Variants in TMEM245 observed in about 807,000 individuals in gnomAD.
TMEM245 encodes transmembrane protein 245.
TMEM245 carries 69 observed loss-of-function variants against 101.2 expected under a neutral mutation model. That is an observed-to-expected ratio of 0.68 (90% CI 0.56 to 0.83). The LOEUF is 0.83. TMEM245 is among the 40% of genes least tolerant of loss of function. TMEM245 has a pLI of 0.00. For missense variants in TMEM245, 1,075 were observed against 1,092.8 expected, an observed-to-expected ratio of 0.98 and a Z score of 0.23; for synonymous variants, 537 against 449.8, an observed-to-expected ratio of 1.19 and a Z score of -2.45.
At chr9:109,100,485 A>G (rs1286788867) in intron 3 of TMEM245, among the ~76,000 whole-genome samples, 2 of 151,948 alleles carry the variant, frequency 1.3e-5, no homozygotes, top group Non-Finnish European at 2.9e-5. Context: ...TACCACACCC[A>G]GCTAATTTTT....
At chr9:109,110,554 T>C (rs1158867310) in intron 1 of TMEM245, among the ~76,000 whole-genome samples, 1 of 121,888 alleles carries the variant, frequency 8.2e-6, no homozygotes, top group Non-Finnish European at 1.8e-5. Flanking sequence ...TTTAGACAAC[T>C]ACAACTTGTT....
At chr9:109,107,979 C>T (rs892259093) in intron 2 of TMEM245, among the ~76,000 whole-genome samples, 12 of 152,248 alleles carry the variant, frequency 7.9e-5, no homozygotes, top group African/African-American at 2.9e-4. Flanking sequence ...CACTCTTTCA[C>T]AGGACAGTCC....
chr9:109,058,445 A>G (rs1828912153), intron 11 of TMEM245, among the ~76,000 whole-genome samples: 1 of 152,142 alleles, frequency 6.6e-6, no homozygotes, highest in Admixed American at 6.5e-5. Context: ...TTTGAAAGAG[A>G]TAAGGGCCAG....
intron 7 of TMEM245, among the ~76,000 whole-genome samples, chr9:109,084,286 C>T (rs1829769855): frequency 6.6e-6 from 1 of 152,014 alleles, no homozygotes; most frequent in African/African-American, 2.4e-5. Context: ...TAGTTCTCAA[C>T]TTATGTATGT....
chr9:109,043,967 T>C (rs914788961), intron 14 of TMEM245, among the ~76,000 whole-genome samples: 2 of 152,206 alleles, frequency 1.3e-5, no homozygotes, highest in Non-Finnish European at 2.9e-5. Context: ...CTACTGTATA[T>C]TTATACCGTA....
At chr9:109,043,098 G>A (rs1052510082) in intron 14 of TMEM245, among the ~76,000 whole-genome samples, 2 of 152,030 alleles carry the variant, frequency 1.3e-5, no homozygotes, top group Non-Finnish European at 2.9e-5. Context: ...ATTATCACTC[G>A]TCTCTAGGGT....
At chr9:109,112,235 G>C (rs1036684052) in intron 1 of TMEM245, among the ~76,000 whole-genome samples, 1 of 152,084 alleles carries the variant, frequency 6.6e-6, no homozygotes, top group African/African-American at 2.4e-5. Flanking sequence ...GATTTATACT[G>C]TAGCAGTATT....
intron 9 of TMEM245, among the ~76,000 whole-genome samples, chr9:109,067,675 C>T (rs1036115845): frequency 6.6e-6 from 1 of 152,072 alleles, no homozygotes; most frequent in Non-Finnish European, 1.5e-5. Flanking sequence ...AATGAGCTCC[C>T]GACTAACAAC....
Position 109,119,342 on chromosome 9 carries a change from C to G in TMEM245, c.572G>C (p.Ser191Thr). ...LICRGLDYFS[S>T]LWIWTLVVGY... is the part of the protein sequence containing the mutation. ...GGACTGCCGCTCACTCACCCACAGG[C>G]TGCTGAAGTAGTCCAGCCCGCGGCA... The change falls in exon 1 of 18, where the codon AGC becomes ACC. Residue 191 changes from serine (S) to threonine (T), a missense_variant. By Grantham distance (58) the Ser-to-Thr change is moderately conservative. This residue lies in a region of TMEM245 where 808 missense variants were observed against 741.5 expected (regional missense o/e 1.09). Coordinates refer to ENST00000374586, the MANE Select transcript of TMEM245 (RefSeq NM_032012.4). 1 of 1,530,982 alleles carries G rather than the reference C, an allele frequency of 6.5e-7. No homozygotes were observed. The highest frequency in any genetic ancestry group is 1.2e-5 in the South Asian group (1 of 83,630). 94.8% of individuals were successfully genotyped at this position (1,530,982 alleles called of 1,614,324 possible).
chr9:109,059,449 A>G (rs1158007670), intron 11 of TMEM245, among the ~76,000 whole-genome samples: 1 of 152,158 alleles, frequency 6.6e-6, no homozygotes, highest in Admixed American at 6.5e-5. Context: ...GGCTCCTGCT[A>G]GCCCACAGGC....
rs979736301 is a variant in TMEM245 at position 109,036,549 on chromosome 9, C to A, written c.2225-169G>T. Among the ~76,000 whole-genome samples, 5 of 152,244 alleles carry A rather than the reference C, an allele frequency of 3.3e-5. No homozygotes were observed. The highest frequency in any genetic ancestry group is 4.1e-4 in the South Asian group (2 of 4,822). On this transcript the variant is annotated intron_variant, in intron 15 of 17. Coordinates refer to ENST00000374586, the MANE Select transcript of TMEM245 (RefSeq NM_032012.4). ...TGCCCTATCTAACTGAATTTTCTAG[C>A]TAAGTAAAGGCTCAATATCTTAAAA...
chr9:109,083,916 A>AAAAAAAAACAAAAC (rs1829751685), intron 7 of TMEM245, among the ~76,000 whole-genome samples: 1 of 132,502 alleles, frequency 7.5e-6, no homozygotes, highest in East Asian at 2.5e-4. Context: ...AAAAAAAAAA[A>AAAAAAAAACAAAAC]AAAAAAAAAA....
intron 6 of TMEM245, among the ~76,000 whole-genome samples, chr9:109,086,665 CATA>C (rs1564198767): frequency 1.3e-5 from 2 of 152,234 alleles, no homozygotes; most frequent in East Asian, 1.9e-4. Context: ...TTCATGGATT[CATA>C]GTCCATGCTC....
At chr9:109,086,130 CCAGA>C (rs987514227) in intron 6 of TMEM245, 110 bp from the exon 7 acceptor site, 2 of 1,190,154 alleles carry the variant, frequency 1.7e-6, no homozygotes, top group Non-Finnish European at 2.4e-6. Context: ...GGAAACCATC[CCAGA>C]CAAAGGAAAA....
chr9:109,100,829 G>A (rs1358716762), intron 3 of TMEM245, among the ~76,000 whole-genome samples: 1 of 152,190 alleles, frequency 6.6e-6, no homozygotes, highest in Non-Finnish European at 1.5e-5. Flanking sequence ...ACATTTAAAA[G>A]CACTTGAAAG....
chr9:109,065,637 T>A (rs568914792), intron 9 of TMEM245, among the ~76,000 whole-genome samples: 1 of 152,296 alleles, frequency 6.6e-6, no homozygotes, highest in East Asian at 1.9e-4. Context: ...ACCATACACC[T>A]TAATCAAGAA....
intron 12 of TMEM245, 149 bp downstream of exon 12, chr9:109,057,042 T>A: frequency 4.8e-6 from 4 of 837,512 alleles, no homozygotes; most frequent in Non-Finnish European, 7.1e-6. Context: ...CTTTTGAACA[T>A]CATCCTAGTG....
At chr9:109,088,565 C>G (rs2132555439) in intron 5 of TMEM245, among the ~76,000 whole-genome samples, 1 of 151,992 alleles carries the variant, frequency 6.6e-6, no homozygotes, top group Admixed American at 6.6e-5. Context: ...CACAGTGGCT[C>G]AACGCCTGTA....
chr9:109,104,926 G>C (rs1484120439), intron 3 of TMEM245, among the ~76,000 whole-genome samples: 1 of 152,034 alleles, frequency 6.6e-6, no homozygotes, highest in Non-Finnish European at 1.5e-5. Context: ...GAAACTTAAG[G>C]GTAAGTATTT....
Sources: gnomAD v4.1 joint callset for allele counts (sites outside exome capture counted in the v4.1 genomes callset) on GRCh38, gnomAD v4.1.1 for gene constraint, gnomAD v4.1.1 regional missense constraint, MANE v1.5 for transcripts, NCBI Gene and HGNC (gene_info 2026-07-23, HGNC 2026-07-21) for gene names.